Variants in TXK observed in about 807,000 individuals in gnomAD.
TXK encodes the protein tyrosine-protein kinase TXK.
A neutral mutation model predicts 81.0 loss-of-function variants in TXK; 60 were observed. That is an observed-to-expected ratio of 0.74 (90% CI 0.60 to 0.92). The LOEUF is 0.92. TXK is among the 40% of genes least tolerant of loss of function. The pLI, the probability that TXK is intolerant of heterozygous loss-of-function variation, is 0.00. For synonymous variants in TXK, 203 were observed against 210.7 expected, an observed-to-expected ratio of 0.96 and a Z score of 0.32; for missense variants, 581 against 638.3, an observed-to-expected ratio of 0.91 and a Z score of 0.97.
At chr4:48,128,520 A>T (rs34990592) in intron 1 of TXK, among the ~76,000 whole-genome samples, 48,692 of 148,176 alleles carry the variant, frequency 0.33, 8,760 homozygotes, top group East Asian at 0.68. Context: ...AGAAAGGCCA[A>T]ACTTCCTCAT....
In TXK at chr4:48,112,522, C is replaced by T. The variant is rs779073068; in HGVS notation, c.175-10G>A. ...CACGGCCCGTGTTGGACTGTGAAAA[C>T]CAATAAGTGAGTTGTTTTACTATCA... is the stretch of plus-strand genomic sequence containing the variant. On this transcript the variant is annotated splice_polypyrimidine_tract_variant and intron_variant, in intron 3 of 14. Coordinates refer to ENST00000264316, the MANE Select transcript of TXK (RefSeq NM_003328.3). The T allele has an allele frequency of 6.3e-7, 1 of 1,589,922 alleles. No individual in the cohort carries two copies. The highest frequency in any genetic ancestry group is 8.6e-7 in the Non-Finnish European group (1 of 1,169,474).
chr4:48,097,904 C>T (rs1360445554), intron 6 of TXK, among the ~76,000 whole-genome samples: 1 of 150,634 alleles, frequency 6.6e-6, no homozygotes, highest in Non-Finnish European at 1.5e-5. Context: ...CCCGTCACCA[C>T]GCCCAGCTAA....
chr4:48,072,237 A>C (rs962283187), intron 13 of TXK, among the ~76,000 whole-genome samples: 2 of 152,162 alleles, frequency 1.3e-5, no homozygotes, highest in Non-Finnish European at 2.9e-5. Flanking sequence ...CTCTGACCTC[A>C]GGTGATTCGA....
At chr4:48,097,479 C>T (rs967586276) in intron 6 of TXK, among the ~76,000 whole-genome samples, 5 of 144,514 alleles carry the variant, frequency 3.5e-5, no homozygotes, top group Admixed American at 2.1e-4. Flanking sequence ...AGTGCGGTGG[C>T]GCCATCTCGG....
intron 10 of TXK, 98 bp from the exon 11 acceptor site, chr4:48,080,226 A>C: frequency 1.1e-6 from 1 of 930,190 alleles, no homozygotes; most frequent in South Asian, 1.5e-5. Flanking sequence ...TATCACTCTC[A>C]TTATCAAGAT....
At chr4:48,128,059 G>A (rs922386336) in intron 1 of TXK, among the ~76,000 whole-genome samples, 2 of 152,184 alleles carry the variant, frequency 1.3e-5, no homozygotes, top group African/African-American at 4.8e-5. Context: ...TGTGGGGCCC[G>A]GGCTGCGCGG....
At chr4:48,114,683 T>C in intron 1 of TXK, 1 of 377,476 alleles carries the variant, frequency 2.6e-6, no homozygotes, top group East Asian at 4.6e-5. Context: ...CTTTTACCTT[T>C]GTCAGGGCTA....
chr4:48,113,223 A>T lies in TXK; in HGVS notation c.158T>A (p.Leu53Ter). The T allele has an allele frequency of 4.3e-6, 7 of 1,613,230 alleles. No homozygotes were observed. Among genetic ancestry groups the T allele is most frequent in the Non-Finnish European group, 5.9e-6 (7 of 1,179,418 alleles). ...TQRRRPWLSQ[L>*]SNKKQSNTGR... ...GATACTTACTTGCTTCTTATTTGAC[A>T]ATTGGCTGAGCCACGGCCTGCGACG... Residue 53 changes from leucine (L) to a stop codon, truncating the protein, a stop_gained, in exon 3 of 15, where the codon TTG becomes TAG. Transcript: ENST00000264316. LOFTEE classifies it high-confidence loss of function.
At chr4:48,079,538 TC>T (rs879928705) in intron 11 of TXK, among the ~76,000 whole-genome samples, 1 of 151,974 alleles carries the variant, frequency 6.6e-6, no homozygotes, top group African/African-American at 2.4e-5. Flanking sequence ...TTTACTGGCT[TC>T]CCCCCACCCA....
chr4:48,073,998 A>G lies in TXK; in HGVS notation c.1294T>C (p.Trp432Arg). 1 of 1,614,054 alleles carries G rather than the reference A, an allele frequency of 6.2e-7. No individual in the cohort carries two copies. The highest frequency in any genetic ancestry group is 8.5e-7 in the Non-Finnish European group (1 of 1,179,948). The change falls in exon 13 of 15, where the codon TGG becomes CGG. Residue 432 changes from tryptophan (W) to arginine (R), a missense_variant. Trp to Arg is a moderately radical substitution (Grantham distance 101). Coordinates refer to ENST00000264316, the MANE Select transcript of TXK (RefSeq NM_003328.3). The part of the protein sequence containing the change: ...SSFGAKFPIK[W>R]SPPEVFLFNK... ...AAAAGAAAAACTTCAGGAGGGGACC[A>G]CTTGATTGGGAACTTGGCTCCAAAA...
chr4:48,125,456 C>T (rs1366517175), intron 1 of TXK, among the ~76,000 whole-genome samples: 1 of 152,220 alleles, frequency 6.6e-6, no homozygotes, highest in Non-Finnish European at 1.5e-5. Flanking sequence ...GAAAGCGAAT[C>T]TTCAGCTCCA....
At chr4:48,094,995 A>C in intron 7 of TXK, 148 bp downstream of exon 7, 1 of 682,044 alleles carries the variant, frequency 1.5e-6, no homozygotes, top group Admixed American at 2.7e-5. Context: ...CACACAGAGC[A>C]TGCTAGGGAT....
intron 10 of TXK, among the ~76,000 whole-genome samples, chr4:48,084,355 G>A (rs908813486): frequency 1.3e-5 from 2 of 151,858 alleles, no homozygotes; most frequent in Non-Finnish European, 2.9e-5. Context: ...TAGCCTCCCA[G>A]AATGAATCAG....
At chr4:48,114,314 A>G (rs755445686) in intron 2 of TXK, 34 bp downstream of exon 2, 1 of 1,610,578 alleles carries the variant, frequency 6.2e-7, no homozygotes, top group Non-Finnish European at 8.5e-7. Context: ...GAATTAATTA[A>G]TTTTCAAGAA....
In TXK at chr4:48,112,327, C is replaced by T; in HGVS notation, c.360G>A (p.Trp120Ter). ...LILEKYNPHWWKARDRLGNEG... is the reference protein window; with the variant it reads ...LILEKYNPHW ...CTTACCCCAAACGGTCTCTTGCCTT[C>T]CACCAGTGAGGATTGTATTTCTCCA... is the stretch of plus-strand genomic sequence containing the variant. The change falls in exon 4 of 15, where the codon TGG (tryptophan) becomes TGA (stop). Residue 120 changes from tryptophan (W) to a stop codon, truncating the protein, a stop_gained. Coordinates refer to ENST00000264316, the MANE Select transcript of TXK (RefSeq NM_003328.3). LOFTEE classifies it high-confidence loss of function. 6.2e-7 allele frequency: 1 copy of T among 1,614,162 alleles called. No homozygotes were observed. Among genetic ancestry groups the T allele is most frequent in the South Asian group, 1.1e-5 (1 of 91,080 alleles).
intron 6 of TXK, among the ~76,000 whole-genome samples, chr4:48,097,977 C>T (rs1009323772): frequency 1.4e-5 from 2 of 145,890 alleles, no homozygotes; most frequent in Non-Finnish European, 3.0e-5. Context: ...TCGATCTCCT[C>T]ACCTTGCGAT....
At chr4:48,091,781 A>C (rs2109430090) in intron 8 of TXK, among the ~76,000 whole-genome samples, 2 of 152,350 alleles carry the variant, frequency 1.3e-5, no homozygotes, top group South Asian at 4.1e-4. Flanking sequence ...TTGTAATTAC[A>C]GGCATGAGCC....
chr4:48,128,136 T>A (rs866481264), intron 1 of TXK, among the ~76,000 whole-genome samples: 1 of 152,236 alleles, frequency 6.6e-6, no homozygotes, highest in African/African-American at 2.4e-5. Flanking sequence ...CTCCAGTTCA[T>A]CCCCTGGCAT....
At chr4:48,128,045 G>A (rs1320883039) in intron 1 of TXK, among the ~76,000 whole-genome samples, 24 of 152,198 alleles carry the variant, frequency 1.6e-4, no homozygotes. Flanking sequence ...CAGATGTGAA[G>A]AACTGTGGGG....
Sources: gnomAD v4.1 joint callset for allele counts (sites outside exome capture counted in the v4.1 genomes callset) on GRCh38, gnomAD v4.1.1 for gene constraint, MANE v1.5 for transcripts, NCBI Gene and HGNC (gene_info 2026-07-23, HGNC 2026-07-21) for gene names.